Variants in MYPN observed in about 807,000 individuals in gnomAD.
MYPN encodes sarcomeric protein myopalladin, 145 kDa (MYOP).
Under a neutral mutation model 129.4 loss-of-function variants are expected in MYPN, and 63 were observed. The observed-to-expected ratio is 0.49, with a 90% confidence interval of 0.40 to 0.60. MYPN has a LOEUF of 0.60. Among genes scored for constraint, MYPN ranks in the 20% least tolerant of loss-of-function variants. The pLI, the probability that MYPN is intolerant of heterozygous loss-of-function variation, is 0.00. For synonymous variants in MYPN, 629 were observed against 600.9 expected (o/e 1.05, Z -0.68); for missense variants, 1,596 against 1,635.4 (o/e 0.98, Z 0.42).
intron 16 of MYPN, among the ~76,000 whole-genome samples, chr10:68,197,680 C>A (rs547443336): frequency 6.0e-5 from 9 of 151,074 alleles, no homozygotes; most frequent in Non-Finnish European, 1.3e-4. Flanking sequence ...ATTTTTGAAT[C>A]TCTATATATT....
intron 12 of MYPN, among the ~76,000 whole-genome samples, chr10:68,182,930 A>G (rs527662519): frequency 2.6e-5 from 4 of 152,346 alleles, no homozygotes; most frequent in African/African-American, 9.6e-5. Context: ...TTTATAGTCA[A>G]ATAAAATGCA....
chr10:68,181,576 C>T (rs2043313551), intron 12 of MYPN, among the ~76,000 whole-genome samples: 1 of 152,168 alleles, frequency 6.6e-6, no homozygotes, highest in Admixed American at 6.5e-5. Flanking sequence ...AGGCATGAGC[C>T]ACCATGCCCG....
chr10:68,179,339 T>G (rs186795421), intron 12 of MYPN, among the ~76,000 whole-genome samples: 100 of 152,320 alleles, frequency 6.6e-4, no homozygotes, highest in Admixed American at 1.9e-3. Context: ...CTCTGTATCC[T>G]CTGCCATGGA....
chr10:68,140,166 A>T (rs1268305091), intron 2 of MYPN, among the ~76,000 whole-genome samples: 3 of 152,146 alleles, frequency 2.0e-5, no homozygotes, highest in African/African-American at 4.8e-5. Context: ...AGTGGGGAAA[A>T]GCTTATGTGT....
chr10:68,093,588 A>G (rs941358910), intron 1 of MYPN, among the ~76,000 whole-genome samples: 8 of 151,094 alleles, frequency 5.3e-5, no homozygotes, highest in African/African-American at 1.9e-4. Context: ...AAAAAAAAAA[A>G]AAAAAAGAAA....
In MYPN at chr10:68,199,544, G is replaced by C. The variant is rs1278436142; in HGVS notation, c.3462G>C (p.Gln1154His). 6.2e-7 allele frequency: 1 copy of C among 1,613,802 alleles called. No homozygotes were observed. Among genetic ancestry groups the C allele is most frequent in the African/African-American group, 1.3e-5 (1 of 74,950 alleles). The change falls in exon 17 of 20, where the codon CAG (glutamine) becomes CAC (histidine). Residue 1154 changes from glutamine (Q) to histidine (H), a missense_variant. Physicochemically the swap from Gln to His is conservative, Grantham distance 24. Coordinates refer to ENST00000358913, the MANE Select transcript of MYPN (RefSeq NM_032578.4). ...YKCIATNKTG[Q>H]NSFSLELSVV... ...GCATCGCTACCAACAAAACCGGGCAGAATTCTTTTAGTCTGGAGCTCTCTG... is the reference window on the plus strand; with the variant it reads ...GCATCGCTACCAACAAAACCGGGCACAATTCTTTTAGTCTGGAGCTCTCTG...
intron 6 of MYPN, among the ~76,000 whole-genome samples, chr10:68,155,161 A>T (rs928235536): frequency 6.6e-6 from 1 of 152,204 alleles, no homozygotes; most frequent in African/African-American, 2.4e-5. Flanking sequence ...AGCCTGGGTG[A>T]CAGAGCAAGA....
At chr10:68,129,408 A>G (rs560982052) in intron 2 of MYPN, among the ~76,000 whole-genome samples, 123 of 152,358 alleles carry the variant, frequency 8.1e-4, no homozygotes, top group African/African-American at 2.6e-3. Flanking sequence ...TAAAAAGTAT[A>G]TCCATGTTAC....
At chr10:68,199,094 T>G (rs1395153460) in intron 16 of MYPN, among the ~76,000 whole-genome samples, 1 of 152,184 alleles carries the variant, frequency 6.6e-6, no homozygotes, top group Non-Finnish European at 1.5e-5. Context: ...TATATCTATC[T>G]ATTTCACTTT....
In MYPN at chr10:68,175,388, G is replaced by T. The variant is rs371221569; in HGVS notation, c.2630G>T (p.Arg877Leu). The change falls in exon 12 of 20, where the codon CGT becomes CTT. Residue 877 changes from arginine (R) to leucine (L), a missense_variant. Arg to Leu is a moderately radical substitution (Grantham distance 102, BLOSUM62 -2). Transcript: ENST00000358913. ...SPQPVNDDNI[R>L]ETKNAVIRDL... The stretch of plus-strand genomic sequence containing the variant: ...CAACCAGTGAATGATGATAACATTC[G>T]TGAAACTAAGAACGCAGTGATTCGA... 26 of 1,613,886 alleles carry T rather than the reference G, an allele frequency of 1.6e-5. No homozygotes were observed. The highest frequency in any genetic ancestry group is 2.0e-5 in the Non-Finnish European group (24 of 1,179,910).
intron 15 of MYPN, among the ~76,000 whole-genome samples, chr10:68,196,871 A>G (rs887072200): frequency 5.9e-5 from 9 of 152,010 alleles, no homozygotes; most frequent in South Asian, 2.1e-4. Flanking sequence ...TATCCAGTTT[A>G]AGTTCATAGT....
intron 12 of MYPN, among the ~76,000 whole-genome samples, chr10:68,180,899 G>A (rs2043303787): frequency 6.6e-6 from 1 of 152,156 alleles, no homozygotes; most frequent in African/African-American, 2.4e-5. Context: ...CAATTTATCA[G>A]CCTGAAGAGG....
At chr10:68,131,532 A>G (rs2042411615) in intron 2 of MYPN, among the ~76,000 whole-genome samples, 1 of 152,104 alleles carries the variant, frequency 6.6e-6, no homozygotes, top group East Asian at 1.9e-4. Flanking sequence ...CCATTTTCAA[A>G]GGTATTCTTT....
At chr10:68,166,239 C>T (rs543208301) in intron 9 of MYPN, 55 bp from the exon 10 acceptor site, 12 of 1,610,184 alleles carry the variant, frequency 7.5e-6, no homozygotes, top group Non-Finnish European at 9.3e-6. Context: ...TGTGCACATG[C>T]CCCAATTCAG....
At chr10:68,160,456 CAGAG>C (rs796660477) in intron 7 of MYPN, among the ~76,000 whole-genome samples, 5 of 93,276 alleles carry the variant, frequency 5.4e-5, no homozygotes, top group East Asian at 3.2e-4. Context: ...AAAAAAAAAA[CAGAG>C]AGAGAGAAAA....
At chr10:68,206,728 GC>G in intron 18 of MYPN, 41 bp from the exon 19 acceptor site, 1 of 1,613,594 alleles carries the variant, frequency 6.2e-7, no homozygotes, top group Non-Finnish European at 8.5e-7. Flanking sequence ...AGGCATTTCT[GC>G]CCCCCGATAA....
At chr10:68,148,605 G>A (rs2042711369) in intron 5 of MYPN, 138 bp downstream of exon 5, 2 of 766,900 alleles carry the variant, frequency 2.6e-6, no homozygotes, top group African/African-American at 3.4e-5. Flanking sequence ...TATTTCTGAT[G>A]TTTGAGAGCA....
intron 11 of MYPN, among the ~76,000 whole-genome samples, chr10:68,174,900 C>T (rs999116545): frequency 3.3e-5 from 5 of 151,858 alleles, no homozygotes; most frequent in Admixed American, 6.6e-5. Context: ...TTTGGGAGGC[C>T]GAGGAAGGCA....
At chr10:68,197,601 G>A (rs2043632370) in intron 16 of MYPN, 123 bp downstream of exon 16, 5 of 1,188,534 alleles carry the variant, frequency 4.2e-6, no homozygotes, top group Admixed American at 2.2e-5. Flanking sequence ...GGGGAAGGGA[G>A]ACAGATCACT....
Sources: allele counts gnomAD v4.1 joint callset (sites outside exome capture counted in the v4.1 genomes callset), GRCh38; gene constraint gnomAD v4.1.1; transcripts MANE v1.5; gene names NCBI Gene and HGNC (gene_info 2026-07-23, HGNC 2026-07-21).